Variants in CDC45 observed in about 807,000 individuals in gnomAD.
CDC45 encodes cell division control protein 45 homolog.
Under a neutral mutation model 77.8 loss-of-function variants are expected in CDC45, and 54 were observed. The ratio of observed to expected loss-of-function variants is 0.69; its 90% confidence interval spans 0.56 to 0.87. The LOEUF (loss-of-function observed/expected upper bound fraction) is 0.87, where lower values mean the gene tolerates loss of function less well. Among genes scored for constraint, CDC45 ranks in the 40% least tolerant of loss-of-function variants. The pLI, the probability that CDC45 is intolerant of heterozygous loss-of-function variation, is 0.00. For missense variants in CDC45, 649 were observed against 721.6 expected (o/e 0.90, Z 1.15); for synonymous variants, 260 against 272.1 (o/e 0.96, Z 0.44).
chr22:19,518,334 C>T (rs572139856), intron 17 of CDC45, among the ~76,000 whole-genome samples: 200 of 152,296 alleles, frequency 1.3e-3, no homozygotes, highest in Non-Finnish European at 2.3e-3. Flanking sequence ...AGGCCAGCCC[C>T]ATCCTGGGGC....
At chr22:19,487,412 G>C (rs1403262767) in intron 5 of CDC45, among the ~76,000 whole-genome samples, 1 of 151,754 alleles carries the variant, frequency 6.6e-6, no homozygotes, top group East Asian at 1.9e-4. Flanking sequence ...CATAGGCCCG[G>C]CTACTTGGGA....
intron 2 of CDC45, 28 bp from the exon 3 acceptor site, chr22:19,480,925 A>G (rs1036905265): frequency 4.1e-6 from 6 of 1,464,900 alleles, no homozygotes; most frequent in Admixed American, 3.5e-5. Context: ...CCTAAATAAG[A>G]TAGGCTTTGA....
At chr22:19,483,665 G>A (rs901373382) in intron 4 of CDC45, among the ~76,000 whole-genome samples, 197 bp from the exon 5 acceptor site, 1 of 152,220 alleles carries the variant, frequency 6.6e-6, no homozygotes, top group Non-Finnish European at 1.5e-5. Context: ...CACGTATGGT[G>A]TAACTCTGGT....
intron 9 of CDC45, among the ~76,000 whole-genome samples, chr22:19,502,955 G>T (rs73162618): frequency 0.047 from 7,133 of 152,032 alleles, 225 homozygotes; most frequent in Middle Eastern, 0.15. Flanking sequence ...GTCGGGGGTG[G>T]GAGGATTGCA....
At chr22:19,482,021 A>G (rs13447197) in intron 3 of CDC45, among the ~76,000 whole-genome samples, 2,844 of 152,300 alleles carry the variant, frequency 0.019, 42 homozygotes, top group Non-Finnish European at 0.028. Flanking sequence ...TCCAACTTAA[A>G]ATCCAGGAAT....
chr22:19,479,883 G>A (rs547595264), upstream of CDC45: 152 of 1,360,216 alleles, frequency 1.1e-4, no homozygotes, highest in Middle Eastern at 1.5e-3. Context: ...GGACCAATCG[G>A]AGGAGCCGTG....
At position 19,482,716 on chromosome 22, in the gene CDC45, T is replaced by C. The variant is rs138131052; in HGVS notation, c.231T>C (p.Cys77=). 94 of 1,612,898 alleles carry C rather than the reference T, an allele frequency of 5.8e-5. No individual in the cohort carries two copies. Among genetic ancestry groups the C allele is most frequent in the Admixed American group, 1.3e-4 (8 of 59,978 alleles). ...TTCATTATTTTATTCTCATAAACTG[T>C]GGAGCTAATGTAGACCTATTGGATA... ...EQFHYFILIN[C]GANVDLLDIL... The change falls in exon 4 of 19, where the codon TGT becomes TGC. Residue 77 remains cysteine (C), a synonymous_variant. Transcript: ENST00000263201.
chr22:19,482,525 G>T (rs9606029), intron 3 of CDC45, among the ~76,000 whole-genome samples, 165 bp from the exon 4 acceptor site: 3 of 152,234 alleles, frequency 2.0e-5, no homozygotes, highest in Admixed American at 6.5e-5. Flanking sequence ...CCATGCTAAA[G>T]CACTTAGCAT....
rs777276275 is a variant in CDC45, at chr22:19,508,660, C to T, written c.1186C>T (p.His396Tyr). The T allele has an allele frequency of 1.2e-6, 2 of 1,614,054 alleles. No homozygotes were observed. ...CGAGAAGGATGGCTCAGGGACAGAT[C>T]ACTTCATCCAGGCTCTGGACAGCCT... ...SPEKDGSGTD[H>Y]FIQALDSLSR... Residue 396 changes from histidine (H) to tyrosine (Y), a missense_variant, in exon 13 of 19, where the codon CAC becomes TAC. Physicochemically the swap from His to Tyr is moderately conservative, Grantham distance 83. Coordinates refer to ENST00000263201, the MANE Select transcript of CDC45 (RefSeq NM_003504.5).
chr22:19,515,446 C>T (rs886852952), intron 15 of CDC45, among the ~76,000 whole-genome samples: 1 of 152,160 alleles, frequency 6.6e-6, no homozygotes, highest in Non-Finnish European at 1.5e-5. Flanking sequence ...CCCCTCTTTG[C>T]GTTGGCGTGG....
chr22:19,485,359 G>A (rs541281823), intron 5 of CDC45, among the ~76,000 whole-genome samples: 1 of 152,330 alleles, frequency 6.6e-6, no homozygotes, highest in South Asian at 2.1e-4. Flanking sequence ...CTTTCCATTG[G>A]GGGAGACAGA....
chr22:19,500,294 AG>A (rs1270243856), intron 9 of CDC45, among the ~76,000 whole-genome samples: 7 of 152,224 alleles, frequency 4.6e-5, no homozygotes, highest in Non-Finnish European at 8.8e-5. Context: ...CTTCCTGTAC[AG>A]GATCTGTACC....
At chr22:19,502,493 T>C (rs1932934848) in intron 9 of CDC45, among the ~76,000 whole-genome samples, 2 of 152,210 alleles carry the variant, frequency 1.3e-5, no homozygotes, top group African/African-American at 4.8e-5. Context: ...CATCTAAATT[T>C]ATTTTAACCC....
At chr22:19,485,154 G>A (rs1050950063) in intron 5 of CDC45, among the ~76,000 whole-genome samples, 6 of 152,018 alleles carry the variant, frequency 3.9e-5, no homozygotes, top group South Asian at 2.1e-4. Flanking sequence ...TTTAACTATC[G>A]ATGAGCTGCA....
intron 5 of CDC45, among the ~76,000 whole-genome samples, chr22:19,487,806 G>A (rs12628642): frequency 2.0e-5 from 3 of 147,254 alleles, no homozygotes; most frequent in Non-Finnish European, 3.0e-5. Flanking sequence ...CAGCTACTCA[G>A]AAGGCTGAGG....
intron 17 of CDC45, among the ~76,000 whole-genome samples, chr22:19,518,513 C>T (rs1933925539): frequency 6.6e-6 from 1 of 152,202 alleles, no homozygotes; most frequent in Non-Finnish European, 1.5e-5. Flanking sequence ...TTCCACAACC[C>T]ACTCTGGGGA....
chr22:19,497,819 T>C (rs1379638366), intron 8 of CDC45, among the ~76,000 whole-genome samples: 1 of 152,000 alleles, frequency 6.6e-6, no homozygotes, highest in Non-Finnish European at 1.5e-5. Context: ...TCCCAGTACT[T>C]TGGGAGGCCG....
intron 12 of CDC45, among the ~76,000 whole-genome samples, chr22:19,508,261 C>T (rs13447262): frequency 6.6e-6 from 1 of 152,188 alleles, no homozygotes; most frequent in Admixed American, 6.5e-5. Context: ...TTCTCCCACC[C>T]CAGCCAGCTG....
intron 9 of CDC45, 98 bp from the exon 10 acceptor site, chr22:19,505,264 C>T (rs1307631742): frequency 2.1e-6 from 3 of 1,429,390 alleles, no homozygotes; most frequent in South Asian, 1.2e-5. Flanking sequence ...GTGAGCAGGC[C>T]CCTGAGGAAG....
Sources: gnomAD v4.1 joint callset for allele counts (sites outside exome capture counted in the v4.1 genomes callset) on GRCh38, gnomAD v4.1.1 for gene constraint, MANE v1.5 for transcripts, NCBI Gene and HGNC (gene_info 2026-07-23, HGNC 2026-07-21) for gene names.